The following CAPN5 variants were observed in gnomAD, a reference collection of about 807,000 sequenced individuals.
CAPN5 encodes calpain 5.
CAPN5 carries 54 observed loss-of-function variants against 73.0 expected under a neutral mutation model. The ratio of observed to expected loss-of-function variants is 0.74; its 90% confidence interval spans 0.59 to 0.93. The LOEUF (loss-of-function observed/expected upper bound fraction) is 0.93, where lower values mean the gene tolerates loss of function less well. CAPN5 is among the 40% of genes least tolerant of loss of function. The pLI is 0.00. For missense variants in CAPN5, 785 were observed against 882.9 expected (o/e 0.89, Z 1.41); for synonymous variants, 335 against 356.9 (o/e 0.94, Z 0.69).
chr11:77,103,072 T>C, intron 3 of CAPN5: 4 of 1,613,690 alleles, frequency 2.5e-6, no homozygotes, highest in Non-Finnish European at 3.4e-6. Flanking sequence ...CCGGGCAAGG[T>C]CACCATCACA....
At chr11:77,076,526 C>T (rs1317762955) in intron 1 of CAPN5, among the ~76,000 whole-genome samples, 1 of 152,228 alleles carries the variant, frequency 6.6e-6, no homozygotes, top group African/African-American at 2.4e-5. Context: ...TCCCCACCCT[C>T]ACCCCTCAGT....
chr11:77,102,943 G>T, intron 3 of CAPN5: 1 of 1,613,114 alleles, frequency 6.2e-7, no homozygotes, highest in South Asian at 1.1e-5. Context: ...CTGAAGCAGC[G>T]CGGGGAGAAG....
intron 4 of CAPN5, 174 bp downstream of exon 4, chr11:77,112,971 T>G: frequency 7.7e-6 from 5 of 647,860 alleles, no homozygotes; most frequent in Non-Finnish European, 1.3e-5. Flanking sequence ...GAGCCTGTGC[T>G]GGGTGGGGTG....
chr11:77,085,024 G>A lies in CAPN5; in HGVS notation c.138G>A (p.Gly46=), dbSNP rs1591117217. 8.1e-6 allele frequency: 13 copies of A among 1,613,354 alleles called. No homozygotes were observed. The highest frequency in any genetic ancestry group is 2.2e-5 in the South Asian group (2 of 91,084). Residue 46 remains glycine, a synonymous_variant, in exon 2 of 13, where the codon GGG becomes GGA. Transcript: ENST00000648180. ...DDSLYYKGTP[G]PAVRWKRPKG... ...CACTCTACTATAAGGGCACGCCGGG[G>A]CCCGCCGTCAGGTGGAAGCGACCCA...
chr11:77,069,477 C>G (rs1333641289), intron 1 of CAPN5, among the ~76,000 whole-genome samples: 1 of 152,134 alleles, frequency 6.6e-6, no homozygotes, highest in Non-Finnish European at 1.5e-5. Context: ...TGATCTGTAT[C>G]TGCCTGACCA....
chr11:77,121,143 C>T (rs1440647793), intron 10 of CAPN5, among the ~76,000 whole-genome samples: 1 of 152,258 alleles, frequency 6.6e-6, no homozygotes, highest in Admixed American at 6.5e-5. Context: ...GACAAAGAAG[C>T]TTTCACTCAT....
chr11:77,090,205 G>A (rs1950134552), intron 2 of CAPN5, among the ~76,000 whole-genome samples: 1 of 151,724 alleles, frequency 6.6e-6, no homozygotes, highest in African/African-American at 2.4e-5. Flanking sequence ...GTTTCTGTTG[G>A]TTAGAGCTGG....
intron 2 of CAPN5, among the ~76,000 whole-genome samples, chr11:77,092,140 G>A (rs1205716768): frequency 2.0e-5 from 3 of 152,228 alleles, no homozygotes; most frequent in Non-Finnish European, 4.4e-5. Flanking sequence ...GATCGCTTGA[G>A]CCTAGGAGGT....
chr11:77,095,486 G>A (rs578207271), intron 3 of CAPN5, among the ~76,000 whole-genome samples: 210 of 152,324 alleles, frequency 1.4e-3, no homozygotes, highest in Middle Eastern at 3.4e-3. Context: ...CTGGCCCAAC[G>A]TATATGTCCC....
At position 77,122,583 on chromosome 11, in the gene CAPN5, C is replaced by T. The variant is rs1219780647; in HGVS notation, c.1611C>T (p.Asn537=). ...CCCACTCCCTCTCCCTAGGGGCTAA[C>T]TCTTATGTGATCATCAAGTGTGAGG... ...AGLKDSPTGA[N]SYVIIKCEGD... The change falls in exon 12 of 13, where the codon AAC becomes AAT. Residue 537 remains asparagine, a synonymous_variant. Transcript: ENST00000648180. The T allele has an allele frequency of 6.4e-7, 1 of 1,567,496 alleles. No homozygotes were observed. The highest frequency in any genetic ancestry group is 8.7e-7 in the Non-Finnish European group (1 of 1,144,958).
chr11:77,099,775 G>A (rs565924244), intron 3 of CAPN5, among the ~76,000 whole-genome samples: 5 of 151,200 alleles, frequency 3.3e-5, no homozygotes, highest in Non-Finnish European at 7.4e-5. Flanking sequence ...GAGAGGGAGA[G>A]GGAGAGGGAG....
intron 1 of CAPN5, among the ~76,000 whole-genome samples, chr11:77,067,632 C>CTTGTGTGTGTGTGTGT (rs376037197): frequency 7.9e-6 from 1 of 126,638 alleles, no homozygotes; most frequent in African/African-American, 3.2e-5. Flanking sequence ...GGCGGGCGCA[C>CTTGTGTGTGTGTGTGT]GTGTGTGTGT....
intron 1 of CAPN5, chr11:77,073,187 G>A: frequency 9.2e-7 from 1 of 1,090,386 alleles, no homozygotes; most frequent in Non-Finnish European, 1.2e-6. Context: ...TTTCCTGGAT[G>A]TGGTTCTTTC....
intron 12 of CAPN5, 66 bp from the exon 13 acceptor site, chr11:77,123,622 C>T: frequency 7.4e-7 from 1 of 1,356,660 alleles, no homozygotes; most frequent in Non-Finnish European, 1.0e-6. Context: ...CCAGCACCCC[C>T]CATAGACCTA....
chr11:77,119,052 C>T lies in CAPN5; in HGVS notation c.1190C>T (p.Pro397Leu). Residue 397 changes from proline to leucine, a missense_variant, in exon 9 of 13, where the codon CCA becomes CTA. By Grantham distance (98) the Pro-to-Leu change is moderately conservative. Transcript: ENST00000648180. ...NPQYIFEVKK[P>L]EDEVLICIQQ... ...CAGTACATCTTCGAAGTCAAGAAGC[C>T]AGAAGATGAAGTCCTGATCTGCATC... The T allele has an allele frequency of 6.2e-7, 1 of 1,613,898 alleles. No individual in the cohort carries two copies. Among genetic ancestry groups the T allele is most frequent in the Non-Finnish European group, 8.5e-7 (1 of 1,179,926 alleles).
chr11:77,104,303 C>G (rs1950320411), intron 3 of CAPN5, among the ~76,000 whole-genome samples: 1 of 152,144 alleles, frequency 6.6e-6, no homozygotes, highest in Non-Finnish European at 1.5e-5. Flanking sequence ...TCAGGTATCC[C>G]CTGCTGGGGA....
chr11:77,103,341 C>T lies in CAPN5; in HGVS notation c.298-9248C>T, dbSNP rs782430026. 62 of 1,601,194 alleles carry T rather than the reference C, an allele frequency of 3.9e-5. 1 individual carries two copies. The South Asian group carries it at 6.0e-4, about 15-fold the overall frequency. On this transcript the variant is annotated intron_variant, in intron 3 of 12. Coordinates refer to ENST00000648180, the MANE Select transcript of CAPN5 (RefSeq NM_004055.5). ...TTTTAACCAGCTCTGACAGCAGCTG[C>T]CAGCTGCTGCTCTCCTCTAGCCCAC...
Position 77,120,886 on chromosome 11 carries a change from C to T in CAPN5, c.1464C>T (p.Phe488=), listed in dbSNP as rs782083968. 1.2e-6 allele frequency: 2 copies of T among 1,613,644 alleles called. No homozygotes were observed. The highest frequency in any genetic ancestry group is 2.2e-5 in the East Asian group (1 of 44,868). The change falls in exon 10 of 13, where the codon TTC becomes TTT. Residue 488 remains phenylalanine, a synonymous_variant. Coordinates refer to ENST00000648180, the MANE Select transcript of CAPN5 (RefSeq NM_004055.5). ...GHTGEFLLRV[F]TDVPSNCREL... The stretch of plus-strand genomic sequence containing the variant: ...CTGGCGAGTTCCTGCTCCGAGTCTT[C>T]ACTGATGTGCCCTCCAACTGCCGGT...
At chr11:77,093,265 G>C (rs76056427) in intron 2 of CAPN5, among the ~76,000 whole-genome samples, 2,285 of 152,334 alleles carry the variant, frequency 0.015, 68 homozygotes, top group African/African-American at 0.053. Flanking sequence ...ACTTGAACCT[G>C]CTGTACCCCT....
Sources: allele counts gnomAD v4.1 joint callset (sites outside exome capture counted in the v4.1 genomes callset), GRCh38; gene constraint gnomAD v4.1.1; transcripts MANE v1.5; gene names NCBI Gene and HGNC (gene_info 2026-07-23, HGNC 2026-07-21).